Variants in GMDS observed in about 807,000 individuals in gnomAD.
GMDS encodes the protein GDP-mannose 4,6 dehydratase.
GMDS carries 20 observed loss-of-function variants against 49.9 expected under a neutral mutation model. The ratio of observed to expected loss-of-function variants is 0.40; its 90% CI spans 0.28 to 0.58. The LOEUF (loss-of-function observed/expected upper bound fraction) is 0.58. GMDS is among the 20% of genes least tolerant of loss of function. The pLI, the probability that GMDS is intolerant of heterozygous loss-of-function variation, is 0.42. For synonymous variants in GMDS, 177 were observed against 178.6 expected, an observed-to-expected ratio of 0.99 and a Z score of 0.07; for missense variants, 362 against 481.4, an observed-to-expected ratio of 0.75 and a Z score of 2.32.
At chr6:1,855,383 G>A (rs927861118) in intron 7 of GMDS, among the ~76,000 whole-genome samples, 2 of 152,084 alleles carry the variant, frequency 1.3e-5, no homozygotes, top group African/African-American at 4.8e-5. Context: ...TTGAAGGGAG[G>A]GCCTACTTAG....
intron 4 of GMDS, among the ~76,000 whole-genome samples, chr6:1,984,493 AC>A (rs1234492836): frequency 6.6e-6 from 1 of 151,968 alleles, no homozygotes; most frequent in Non-Finnish European, 1.5e-5. Flanking sequence ...TGAAAACAAG[AC>A]ATCTGGGCAT....
chr6:2,067,517 G>A (rs1374095397), intron 4 of GMDS, among the ~76,000 whole-genome samples: 1 of 151,918 alleles, frequency 6.6e-6, no homozygotes, highest in East Asian at 1.9e-4. Flanking sequence ...TAAACCGCTA[G>A]CAAGACTAAT....
chr6:2,101,846 CTA>C (rs1773944542), intron 4 of GMDS, among the ~76,000 whole-genome samples: 1 of 151,954 alleles, frequency 6.6e-6, no homozygotes, highest in African/African-American at 2.4e-5. Flanking sequence ...TTCAAAGTAT[CTA>C]TATATGTTTA....
At chr6:1,989,734 G>T (rs1352087119) in intron 4 of GMDS, among the ~76,000 whole-genome samples, 1 of 152,162 alleles carries the variant, frequency 6.6e-6, no homozygotes, top group Non-Finnish European at 1.5e-5. Context: ...ACCCTCATCT[G>T]GAGATTCACA....
chr6:1,905,436 C>A (rs986646097), intron 7 of GMDS, among the ~76,000 whole-genome samples: 2 of 144,956 alleles, frequency 1.4e-5, no homozygotes, highest in African/African-American at 5.3e-5. Flanking sequence ...GCATGTGGGG[C>A]CAGCACATAG....
At chr6:2,049,324 C>T (rs1413622992) in intron 4 of GMDS, among the ~76,000 whole-genome samples, 3 of 152,232 alleles carry the variant, frequency 2.0e-5, no homozygotes, top group Middle Eastern at 3.4e-3. Context: ...ATTTTGTTTA[C>T]TTATATGCCT....
chr6:1,644,808 C>G (rs548868217), intron 9 of GMDS, among the ~76,000 whole-genome samples: 1 of 152,304 alleles, frequency 6.6e-6, no homozygotes, highest in South Asian at 2.1e-4. Flanking sequence ...ACAGCTTTGG[C>G]TCTCAGGGCC....
intron 7 of GMDS, among the ~76,000 whole-genome samples, chr6:1,899,305 T>C (rs1760378609): frequency 6.6e-6 from 1 of 151,934 alleles, no homozygotes; most frequent in Non-Finnish European, 1.5e-5. Flanking sequence ...TTTTTTTTTT[T>C]TCCTGCATGC....
At chr6:1,800,483 C>A (rs1180975769) in intron 7 of GMDS, among the ~76,000 whole-genome samples, 3 of 152,164 alleles carry the variant, frequency 2.0e-5, no homozygotes, top group Non-Finnish European at 4.4e-5. Context: ...GTCACCCAGG[C>A]TGGAGGGCAG....
At chr6:1,957,219 C>T (rs1309316913) in intron 6 of GMDS, among the ~76,000 whole-genome samples, 1 of 152,182 alleles carries the variant, frequency 6.6e-6, no homozygotes, top group Non-Finnish European at 1.5e-5. Flanking sequence ...AGTCAGTAAG[C>T]TGTTCCTGAA....
intron 7 of GMDS, among the ~76,000 whole-genome samples, chr6:1,785,310 A>C (rs1769272179): frequency 6.6e-6 from 1 of 152,242 alleles, no homozygotes; most frequent in African/African-American, 2.4e-5. Context: ...AAAGAGCTCT[A>C]GATGGTAGGT....
At chr6:1,711,071 T>C (rs549296673) in intron 9 of GMDS, among the ~76,000 whole-genome samples, 189 of 152,304 alleles carry the variant, frequency 1.2e-3, no homozygotes, top group African/African-American at 4.4e-3. Context: ...ACAGGCACAA[T>C]TCCCTACAAC....
intron 4 of GMDS, among the ~76,000 whole-genome samples, chr6:2,021,096 T>G (rs1479514407): frequency 1.3e-5 from 2 of 152,246 alleles, no homozygotes; most frequent in African/African-American, 4.8e-5. Flanking sequence ...GAACTCCACA[T>G]CCTGTTGCCT....
intron 7 of GMDS, among the ~76,000 whole-genome samples, chr6:1,871,050 A>G (rs1213459673): frequency 1.5e-5 from 2 of 132,632 alleles, no homozygotes; most frequent in African/African-American, 6.4e-5. Context: ...CCATATCACT[A>G]TCCCCCAGCA....
At chr6:2,230,342 T>C (rs989490006) in intron 1 of GMDS, among the ~76,000 whole-genome samples, 2 of 152,200 alleles carry the variant, frequency 1.3e-5, no homozygotes, top group Non-Finnish European at 2.9e-5. Context: ...CCACAGCCCA[T>C]AAAGGTTAAG....
At chr6:1,723,475 T>C (rs1418973947) in intron 9 of GMDS, among the ~76,000 whole-genome samples, 1 of 151,948 alleles carries the variant, frequency 6.6e-6, no homozygotes, top group Non-Finnish European at 1.5e-5. Flanking sequence ...TACAGGCACC[T>C]GCCACCATAC....
intron 6 of GMDS, among the ~76,000 whole-genome samples, chr6:1,948,055 C>T (rs780419026): frequency 5.3e-5 from 8 of 152,246 alleles, no homozygotes; most frequent in Non-Finnish European, 7.3e-5. Context: ...TTCACTTCCA[C>T]GATTTCCTTT....
At chr6:2,001,612 G>A (rs1766822110) in intron 4 of GMDS, among the ~76,000 whole-genome samples, 1 of 152,118 alleles carries the variant, frequency 6.6e-6, no homozygotes, top group Non-Finnish European at 1.5e-5. Context: ...AAAGTTGGAG[G>A]ACTCACACTT....
intron 4 of GMDS, among the ~76,000 whole-genome samples, chr6:2,110,353 G>A (rs1225487585): frequency 6.6e-6 from 1 of 151,752 alleles, no homozygotes; most frequent in Non-Finnish European, 1.5e-5. Flanking sequence ...AAATGTCACT[G>A]GAGATGACAG....
Sources: gnomAD v4.1 joint callset for allele counts (sites outside exome capture counted in the v4.1 genomes callset) on GRCh38, gnomAD v4.1.1 for gene constraint, MANE v1.5 for transcripts, NCBI Gene and HGNC (gene_info 2026-07-23, HGNC 2026-07-21) for gene names.